PTPRD: variants seen among roughly 807,000 people sequenced by gnomAD.
The protein encoded by PTPRD is protein tyrosine phosphatase receptor type D.
In PTPRD, 34 loss-of-function variants were observed where a neutral mutation model predicts 214.5. The ratio of observed to expected loss-of-function variants is 0.16; its 90% CI spans 0.12 to 0.21. PTPRD has a LOEUF of 0.21. Ranked by LOEUF, PTPRD falls within the 10% of genes least tolerant of loss-of-function variation. The pLI, the probability that PTPRD is intolerant of heterozygous loss-of-function variation, is 1.00. For missense variants in PTPRD, 2,545 were observed against 2,398.7 expected (o/e 1.06, Z -1.27); for synonymous variants, 1,128 against 845.7 (o/e 1.33, Z -5.79).
At chr9:8,777,593 C>T (rs76739987) in intron 11 of PTPRD, among the ~76,000 whole-genome samples, 376 of 152,224 alleles carry the variant, frequency 2.5e-3, no homozygotes, top group African/African-American at 8.8e-3. Flanking sequence ...ATGTGTATCC[C>T]ATTTTGAGTG....
intron 5 of PTPRD, among the ~76,000 whole-genome samples, chr9:9,915,929 G>C (rs961456309): frequency 6.6e-6 from 1 of 151,926 alleles, no homozygotes; most frequent in Non-Finnish European, 1.5e-5. Flanking sequence ...TAGTCAAGTT[G>C]AAGAAAATCA....
At chr9:9,856,480 A>G (rs1302306596) in intron 5 of PTPRD, among the ~76,000 whole-genome samples, 1 of 152,184 alleles carries the variant, frequency 6.6e-6, no homozygotes, top group Non-Finnish European at 1.5e-5. Flanking sequence ...CATCCAGTGT[A>G]TGAAGCAAAG....
At chr9:10,531,142 G>A (rs550583401) in intron 2 of PTPRD, among the ~76,000 whole-genome samples, 1 of 152,122 alleles carries the variant, frequency 6.6e-6, no homozygotes, top group East Asian at 1.9e-4. Context: ...TAGAGACGGG[G>A]TTTCACCATG....
At chr9:8,402,259 G>C (rs2092488961) in intron 36 of PTPRD, among the ~76,000 whole-genome samples, 1 of 152,168 alleles carries the variant, frequency 6.6e-6, no homozygotes, top group African/African-American at 2.4e-5. Context: ...ACTATAAAAA[G>C]ACAGGTTTTC....
intron 3 of PTPRD, among the ~76,000 whole-genome samples, chr9:10,266,313 G>T (rs886611446): frequency 5.9e-5 from 9 of 152,042 alleles, no homozygotes; most frequent in South Asian, 2.1e-4. Flanking sequence ...CTTAGTATGT[G>T]TATTATTATT....
chr9:8,716,257 C>G (rs77247038), intron 12 of PTPRD, among the ~76,000 whole-genome samples: 1,645 of 152,320 alleles, frequency 0.011, 30 homozygotes, highest in East Asian at 0.059. Flanking sequence ...TTAGAACCTA[C>G]AAGGAGAACC....
intron 2 of PTPRD, among the ~76,000 whole-genome samples, chr9:10,544,769 G>A (rs980367103): frequency 3.3e-5 from 5 of 152,112 alleles, no homozygotes; most frequent in Non-Finnish European, 7.4e-5. Context: ...AATAGCCAAA[G>A]TCTTGAGTAT....
intron 2 of PTPRD, among the ~76,000 whole-genome samples, chr9:10,364,222 C>T (rs1216277084): frequency 6.6e-6 from 1 of 151,868 alleles, no homozygotes; most frequent in Non-Finnish European, 1.5e-5. Context: ...AGGATGGTCT[C>T]GATCTCCTGA....
chr9:9,239,187 G>A (rs1453922359), intron 9 of PTPRD, among the ~76,000 whole-genome samples: 12 of 146,558 alleles, frequency 8.2e-5, no homozygotes, highest in Non-Finnish European at 1.1e-4. Flanking sequence ...ACTTCAGGGA[G>A]ATGACTGTCT....
At chr9:9,613,709 A>G (rs1179499940) in intron 7 of PTPRD, among the ~76,000 whole-genome samples, 2 of 152,174 alleles carry the variant, frequency 1.3e-5, no homozygotes, top group African/African-American at 4.8e-5. Flanking sequence ...GACTAGTAGC[A>G]TGGGCACCAA....
At chr9:9,322,889 C>T (rs1967266397) in intron 9 of PTPRD, among the ~76,000 whole-genome samples, 1 of 152,164 alleles carries the variant, frequency 6.6e-6, no homozygotes, top group Non-Finnish European at 1.5e-5. Flanking sequence ...TGCACCTTGA[C>T]ATATTCCACA....
intron 5 of PTPRD, among the ~76,000 whole-genome samples, chr9:9,820,249 A>AT: frequency 6.6e-6 from 1 of 151,886 alleles, no homozygotes; most frequent in East Asian, 1.9e-4. Context: ...AAGGTTGAGC[A>AT]TTTTTTTCAG....
At chr9:9,211,549 ACACACACAC>A (rs1215103112) in intron 9 of PTPRD, among the ~76,000 whole-genome samples, 2 of 134,556 alleles carry the variant, frequency 1.5e-5, no homozygotes, top group African/African-American at 5.1e-5. Context: ...ACACACACAC[ACACACACAC>A]AAGAGCTAAG....
chr9:8,504,508 C>T, intron 22 of PTPRD, 103 bp from the exon 23 acceptor site: 1 of 1,318,982 alleles, frequency 7.6e-7, no homozygotes, highest in Non-Finnish European at 1.1e-6. Flanking sequence ...GGATTATAAT[C>T]TCATCAAAAT....
chr9:8,685,960 C>T (rs933338140), intron 12 of PTPRD, among the ~76,000 whole-genome samples: 6 of 152,170 alleles, frequency 3.9e-5, no homozygotes, highest in African/African-American at 1.4e-4. Flanking sequence ...CTGCTTTCAG[C>T]GGCTCATTTT....
intron 11 of PTPRD, among the ~76,000 whole-genome samples, chr9:8,858,539 C>G (rs982286989): frequency 6.6e-6 from 1 of 152,116 alleles, no homozygotes; most frequent in African/African-American, 2.4e-5. Flanking sequence ...AGGCTTCTCT[C>G]TTTGTTTCCT....
intron 2 of PTPRD, among the ~76,000 whole-genome samples, chr9:10,547,058 G>C (rs551128980): frequency 1.4e-4 from 21 of 152,096 alleles, no homozygotes; most frequent in Admixed American, 6.6e-5. Flanking sequence ...AGTCCTACAG[G>C]TCATATGACG....
chr9:8,906,846 C>T lies in PTPRD; in HGVS notation c.-104+111851G>A, dbSNP rs531354519. ...GAAAAATGAGAGCACCATGGAAGGTCTTGCTAAACTCTACACATCCCCGGC... is the reference window on the plus strand; with the variant it reads ...GAAAAATGAGAGCACCATGGAAGGTTTTGCTAAACTCTACACATCCCCGGC... On this transcript the variant is annotated intron_variant, in intron 11 of 45. Transcript: ENST00000381196. Among the ~76,000 whole-genome samples the T allele has an allele frequency of 4.6e-5, 7 of 152,152 alleles. No homozygotes were observed. In the East Asian group the frequency reaches 1.4e-3, roughly 30 times the overall value.
chr9:10,384,316 AC>A (rs999505839), intron 2 of PTPRD, among the ~76,000 whole-genome samples: 4 of 151,788 alleles, frequency 2.6e-5, no homozygotes, highest in African/African-American at 7.2e-5. Flanking sequence ...CTAGGTACCC[AC>A]AAAAATTAAA....
Sources: gnomAD v4.1 joint callset for allele counts (sites outside exome capture counted in the v4.1 genomes callset) on GRCh38, gnomAD v4.1.1 for gene constraint, MANE v1.5 for transcripts, NCBI Gene and HGNC (gene_info 2026-07-23, HGNC 2026-07-21) for gene names.